The following EPS15 variants were observed in gnomAD, a reference collection of about 807,000 sequenced individuals.
The protein encoded by EPS15 is epidermal growth factor receptor substrate 15.
EPS15 carries 72 observed loss-of-function variants against 113.8 expected under a neutral mutation model. The observed-to-expected ratio is 0.63, with a 90% CI of 0.52 to 0.77. The LOEUF (loss-of-function observed/expected upper bound fraction) is 0.77, where lower values mean the gene tolerates loss of function less well. EPS15 is among the 30% of genes least tolerant of loss of function. The pLI, the probability that EPS15 is intolerant of heterozygous loss-of-function variation, is 0.00. For synonymous variants in EPS15, 344 were observed against 363.4 expected, an observed-to-expected ratio of 0.95 and a Z score of 0.61; for missense variants, 1,048 against 1,045.8, an observed-to-expected ratio of 1.00 and a Z score of -0.03.
intron 1 of EPS15, among the ~76,000 whole-genome samples, chr1:51,496,790 C>G (rs1644331755): frequency 6.6e-6 from 1 of 152,114 alleles, no homozygotes; most frequent in Non-Finnish European, 1.5e-5. Context: ...ATAGTCAGAA[C>G]TTGAGTAACA....
chr1:51,471,087 G>C (rs540793258), intron 4 of EPS15, among the ~76,000 whole-genome samples: 1 of 152,126 alleles, frequency 6.6e-6, no homozygotes, highest in African/African-American at 2.4e-5. Flanking sequence ...GCTATGCCGG[G>C]GGTGGGGAGG....
chr1:51,432,851 A>G (rs1354304887), intron 12 of EPS15, among the ~76,000 whole-genome samples: 1 of 152,204 alleles, frequency 6.6e-6, no homozygotes. Context: ...CGCAACCTAG[A>G]GCTTCAATTA....
Position 51,363,945 on chromosome 1 carries a change from T to A in EPS15, c.2280A>T (p.Thr760=), listed in dbSNP as rs1339615569. ...GGGGTTCATCTTCACTTTTGACCGA[T>A]GTTTCCTCAAATACATTTTTTGTAA... The part of the protein sequence containing the change: ...VVITKNVFEE[T]SVKSEDEPPA... The change falls in exon 23 of 25, where the codon ACA becomes ACT. Residue 760 remains threonine, a synonymous_variant. Coordinates refer to ENST00000371733, the MANE Select transcript of EPS15 (RefSeq NM_001981.3). 1.2e-6 allele frequency: 2 copies of A among 1,614,002 alleles called. No homozygotes were observed. The highest frequency in any genetic ancestry group is 4.5e-5 in the East Asian group (2 of 44,880).
At chr1:51,359,080 A>T (rs1646314510) in intron 24 of EPS15, among the ~76,000 whole-genome samples, 1 of 152,160 alleles carries the variant, frequency 6.6e-6, no homozygotes, top group African/African-American at 2.4e-5. Flanking sequence ...ATTTTACACT[A>T]AGAGAATTAT....
chr1:51,359,302 G>C (rs1182123457), intron 24 of EPS15, among the ~76,000 whole-genome samples: 1 of 151,914 alleles, frequency 6.6e-6, no homozygotes, highest in Non-Finnish European at 1.5e-5. Flanking sequence ...AAATTGGCTA[G>C]GTGTGGTGGT....
intron 20 of EPS15, among the ~76,000 whole-genome samples, chr1:51,397,486 T>C (rs939303485): frequency 6.6e-6 from 1 of 152,166 alleles, no homozygotes; most frequent in Non-Finnish European, 1.5e-5. Context: ...TCTTGCTCTT[T>C]AGATGATAGG....
intron 1 of EPS15, among the ~76,000 whole-genome samples, chr1:51,506,476 T>C (rs1290883941): frequency 2.0e-5 from 3 of 152,188 alleles, no homozygotes; most frequent in African/African-American, 4.8e-5. Flanking sequence ...ATGTCAATTA[T>C]ACATTTAAAA....
In EPS15 at chr1:51,465,373, A is replaced by G. The variant is rs771455029; in HGVS notation, c.310-47T>C. The G allele has an allele frequency of 4.5e-6, 6 of 1,341,658 alleles. No homozygotes were observed. The East Asian group carries it at 1.4e-4, about 31-fold the overall frequency. The allele number at this position is 1,341,658 out of a possible 1,614,324, so 83.1% of individuals were successfully genotyped here. ...AACAAGAGTTGAAATTCTCACATCA[A>G]GAAGCAATGAAGAAAAAATGGTTTT... On this transcript the variant is annotated intron_variant, in intron 5 of 24. Coordinates refer to ENST00000371733, the MANE Select transcript of EPS15 (RefSeq NM_001981.3).
At chr1:51,467,780 T>C (rs1654951192) in intron 5 of EPS15, among the ~76,000 whole-genome samples, 1 of 152,122 alleles carries the variant, frequency 6.6e-6, no homozygotes, top group Non-Finnish European at 1.5e-5. Flanking sequence ...CTAGGTTGCA[T>C]GCTACTTATA....
intron 8 of EPS15, among the ~76,000 whole-genome samples, chr1:51,448,921 A>G (rs1266237384): frequency 6.6e-6 from 1 of 152,230 alleles, no homozygotes; most frequent in Non-Finnish European, 1.5e-5. Context: ...TTCCTGCCCA[A>G]AATGAATTCA....
intron 1 of EPS15, among the ~76,000 whole-genome samples, chr1:51,503,978 T>C (rs1459903091): frequency 6.6e-6 from 1 of 152,272 alleles, no homozygotes; most frequent in Non-Finnish European, 1.5e-5. Flanking sequence ...CTAGATATAA[T>C]AGCTAAAACT....
intron 1 of EPS15, among the ~76,000 whole-genome samples, chr1:51,507,215 T>A (rs1231958084): frequency 6.6e-6 from 1 of 152,196 alleles, no homozygotes; most frequent in Non-Finnish European, 1.5e-5. Context: ...TATCAAATGG[T>A]AGAGCAAAGG....
At chr1:51,455,595 G>T (rs1019411774) in intron 8 of EPS15, among the ~76,000 whole-genome samples, 2 of 151,528 alleles carry the variant, frequency 1.3e-5, no homozygotes, top group African/African-American at 4.8e-5. Flanking sequence ...AAAAAGAAAA[G>T]AAAGAAAAAG....
intron 18 of EPS15, among the ~76,000 whole-genome samples, chr1:51,402,015 C>A (rs1648607232): frequency 1.3e-5 from 2 of 152,152 alleles, no homozygotes; most frequent in African/African-American, 4.8e-5. Flanking sequence ...CAGGCACCTG[C>A]AATCCCAACT....
chr1:51,424,396 C>T (rs972301013), intron 12 of EPS15, among the ~76,000 whole-genome samples: 44 of 152,234 alleles, frequency 2.9e-4, no homozygotes, highest in African/African-American at 9.9e-4. Context: ...GGATACTTGA[C>T]CATATTTCTT....
intron 8 of EPS15, among the ~76,000 whole-genome samples, chr1:51,459,511 AAAAT>A (rs1654273408): frequency 6.6e-6 from 1 of 152,096 alleles, no homozygotes. Flanking sequence ...TAAAAATAAT[AAAAT>A]AAAATAAAAT....
chr1:51,513,006 T>TA (rs1644653223), intron 1 of EPS15, among the ~76,000 whole-genome samples: 1 of 150,060 alleles, frequency 6.7e-6, no homozygotes, highest in African/African-American at 2.5e-5. Context: ...TTAAAAAAAA[T>TA]TTTTTTTTTG....
intron 8 of EPS15, among the ~76,000 whole-genome samples, chr1:51,457,200 T>C (rs1277423852): frequency 1.3e-5 from 2 of 152,008 alleles, no homozygotes; most frequent in East Asian, 3.8e-4. Flanking sequence ...GGCAGGAGAA[T>C]GGCGTGAACC....
At chr1:51,433,231 C>T (rs1412492054) in intron 12 of EPS15, among the ~76,000 whole-genome samples, 2 of 152,202 alleles carry the variant, frequency 1.3e-5, no homozygotes, top group Non-Finnish European at 2.9e-5. Flanking sequence ...GCTACTCCAA[C>T]CAATATTTAG....
Sources: gnomAD v4.1 joint callset for allele counts (sites outside exome capture counted in the v4.1 genomes callset) on GRCh38, gnomAD v4.1.1 for gene constraint, MANE v1.5 for transcripts, NCBI Gene and HGNC (gene_info 2026-07-23, HGNC 2026-07-21) for gene names.